Variants in MTOR observed in about 807,000 individuals in gnomAD.
The protein encoded by MTOR is mechanistic target of rapamycin kinase, also known as serine/threonine-protein kinase mTOR.
MTOR carries 70 observed loss-of-function variants against 319.8 expected under a neutral mutation model. The ratio of observed to expected loss-of-function variants is 0.22; its 90% CI spans 0.18 to 0.27. The LOEUF (loss-of-function observed/expected upper bound fraction) is 0.27. MTOR is among the 10% of genes least tolerant of loss of function. The probability of loss-of-function intolerance (pLI) is 1.00; values close to 1 mark genes in which losing one functional copy is unlikely to be tolerated. For synonymous variants in MTOR, 1,183 were observed against 1,211.4 expected (o/e 0.98, Z 0.49); for missense variants, 1,890 against 3,274.4 (o/e 0.58, Z 10.32).
intron 16 of MTOR, 106 bp from the exon 17 acceptor site, chr1:11,231,540 A>G (rs994126175): frequency 9.4e-6 from 13 of 1,390,188 alleles, no homozygotes; most frequent in Non-Finnish European, 1.1e-5. Context: ...GGCTGTAAGA[A>G]GAAAAGAGGT....
At chr1:11,192,864 C>T (rs1645601005) in intron 28 of MTOR, among the ~76,000 whole-genome samples, 1 of 152,042 alleles carries the variant, frequency 6.6e-6, no homozygotes, top group African/African-American at 2.4e-5. Flanking sequence ...TCTGTTTGGC[C>T]CCTTCAAATC....
At chr1:11,131,446 G>C (rs1643153341) in intron 38 of MTOR, 1 of 152,842 alleles carries the variant, frequency 6.5e-6, no homozygotes, top group Admixed American at 6.5e-5. Context: ...ATGGCAAGCA[G>C]AAGTGGGGGC....
chr1:11,113,555 CCA>C (rs1313145822), intron 53 of MTOR, among the ~76,000 whole-genome samples: 1 of 152,058 alleles, frequency 6.6e-6, no homozygotes, highest in Non-Finnish European at 1.5e-5. Context: ...ACCCCAGCTT[CCA>C]CACACTTGAT....
intron 36 of MTOR, among the ~76,000 whole-genome samples, chr1:11,137,683 G>C (rs1458527579): frequency 6.6e-6 from 1 of 152,178 alleles, no homozygotes; most frequent in Admixed American, 6.5e-5. Context: ...GTGGGTTTGT[G>C]GGCAAGAACA....
intron 47 of MTOR, among the ~76,000 whole-genome samples, 177 bp downstream of exon 47, chr1:11,124,321 C>T (rs1642703733): frequency 6.6e-6 from 1 of 152,210 alleles, no homozygotes. Flanking sequence ...CTCCTGGGCT[C>T]AAGCCATCCC....
chr1:11,131,019 G>A lies in MTOR; in HGVS notation c.5365-242C>T. 1.2e-5 allele frequency: 7 copies of A among 577,312 alleles called. No individual in the cohort carries two copies. The South Asian group carries it at 1.5e-4, about 12-fold the overall frequency. The allele number at this position is 577,312 out of a possible 1,614,324, so 35.8% of individuals were successfully genotyped here. A position where few individuals can be genotyped will look rare whatever the true frequency, so the allele number is the denominator to read the frequency against. ...CACTGCGAGAAGGGCACAGCAAGAG[G>A]AGCAGGAGAGAGCTCTTGCCTCAAG... On this transcript the variant is annotated intron_variant, in intron 38 of 57. Transcript: ENST00000361445.
At chr1:11,209,534 G>A (rs1016095234) in intron 24 of MTOR, 76 bp from the exon 25 acceptor site, 1 of 1,564,026 alleles carries the variant, frequency 6.4e-7, no homozygotes, top group East Asian at 2.3e-5. Flanking sequence ...CTTAAATTTT[G>A]GGAGGTGCAG....
At position 11,117,058 on chromosome 1, in the gene MTOR, G is replaced by C. The variant is rs1642202172; in HGVS notation, c.6962C>G (p.Thr2321Ser). ...EVWFDRRTNY[T>S]RSLAVMSMVG... ...CATTGACATGACCGCTAAAGAACGG[G>C]TATAATTGGTTCTTCGGTCAAACCA... The change falls in exon 50 of 58, where the codon ACC becomes AGC. Residue 2321 changes from threonine (T) to serine (S), a missense_variant. Thr to Ser is a moderately conservative substitution (Grantham distance 58). Around this residue, in one of 15 missense-constraint regions of MTOR, gnomAD observed 249 missense variants for 596.2 expected, o/e 0.42. Coordinates refer to ENST00000361445, the MANE Select transcript of MTOR (RefSeq NM_004958.4). 6.2e-7 allele frequency: 1 copy of C among 1,613,288 alleles called. No individual in the cohort carries two copies. Among genetic ancestry groups the C allele is most frequent in the African/African-American group, 1.3e-5 (1 of 75,010 alleles).
chr1:11,219,371 C>T (rs1208195037), intron 19 of MTOR, among the ~76,000 whole-genome samples: 3 of 151,908 alleles, frequency 2.0e-5, no homozygotes, highest in Non-Finnish European at 4.4e-5. Flanking sequence ...CAGAAAAATG[C>T]CTCCCCTAAG....
Position 11,219,725 on chromosome 1 carries a change from A to T in MTOR, c.3031-3491T>A, listed in dbSNP as rs568566772. On this transcript the variant is annotated intron_variant, in intron 19 of 57. Transcript: ENST00000361445. Reference sequence around the variant, plus strand: ...AAATTTAGTCTGTTTAAAATGCCTTAAAAAAAGTGGGAATAAGGCTGGGCA... The same window carrying T: ...AAATTTAGTCTGTTTAAAATGCCTTTAAAAAAGTGGGAATAAGGCTGGGCA... Among the ~76,000 whole-genome samples, 11 of 152,240 alleles carry T rather than the reference A, an allele frequency of 7.2e-5. No homozygotes were observed. In the East Asian group the frequency reaches 1.9e-3, roughly 27 times the overall value.
chr1:11,110,983 G>T, intron 54 of MTOR: 1 of 359,186 alleles, frequency 2.8e-6, no homozygotes, highest in Non-Finnish European at 5.5e-6. Context: ...AATGAAGCCA[G>T]TAAGTCTCAG....
Position 11,196,376 on chromosome 1 carries a change from GAGCTTTAAGGAGATGGGGGTAGTTT to G in MTOR, c.4253+2857_4253+2881del, listed in dbSNP as rs28990668. 3.3e-5 allele frequency among the ~76,000 whole-genome samples: 5 copies of G among 152,262 alleles called. No individual in the cohort carries two copies. In the East Asian group the frequency reaches 9.6e-4, roughly 29 times the overall value. On this transcript the variant is annotated intron_variant, in intron 28 of 57. Transcript: ENST00000361445. Reference sequence around the variant, plus strand: ...AAAGCAAATATATTTACTGATATGTGAGCTTTAAGGAGATGGGGGTAGTTTATACTATCTCAGTGTTAGCCCTGAT... The same window carrying G: ...AAAGCAAATATATTTACTGATATGTGATACTATCTCAGTGTTAGCCCTGAT...
At chr1:11,195,609 C>A (rs538680559) in intron 28 of MTOR, 2 of 154,408 alleles carry the variant, frequency 1.3e-5, no homozygotes, top group South Asian at 4.1e-4. Flanking sequence ...GAGGAAACTC[C>A]AGGGCACTGC....
chr1:11,194,328 A>C (rs377295571), intron 28 of MTOR: 5 of 840,514 alleles, frequency 5.9e-6, no homozygotes, highest in African/African-American at 3.4e-5. Context: ...GAGGTAAACA[A>C]GTAATAAAGT....
intron 29 of MTOR, among the ~76,000 whole-genome samples, chr1:11,161,946 T>C (rs796067392): frequency 1.3e-5 from 2 of 152,258 alleles, no homozygotes; most frequent in African/African-American, 4.8e-5. Context: ...ACAACTTTGA[T>C]GAGTTGAAAG....
intron 29 of MTOR, among the ~76,000 whole-genome samples, chr1:11,162,616 T>C (rs1187561798): frequency 2.0e-5 from 3 of 151,888 alleles, no homozygotes; most frequent in Non-Finnish European, 1.5e-5. Flanking sequence ...CAGAAGAGAG[T>C]GGGGGCCAAT....
Position 11,109,171 on chromosome 1 carries a change from C to T in MTOR, c.7528+119G>A, listed in dbSNP as rs1641729005. On this transcript the variant is annotated intron_variant, in intron 56 of 57. Coordinates refer to ENST00000361445, the MANE Select transcript of MTOR (RefSeq NM_004958.4). The surrounding 1 kb of genome is among the most constrained non-coding windows in gnomAD (Gnocchi z 4.0). ...TGATGACCTCAAAGACACTCTTTGTCAGCTGCATGGTGCCAAAGCTCGTCA... is the reference window on the plus strand; with the variant it reads ...TGATGACCTCAAAGACACTCTTTGTTAGCTGCATGGTGCCAAAGCTCGTCA... 9 of 797,210 alleles carry T rather than the reference C, an allele frequency of 1.1e-5. No homozygotes were observed. In the South Asian group the frequency reaches 1.5e-4, roughly 14 times the overall value. 49.4% of individuals were successfully genotyped at this position (797,210 alleles called of 1,614,324 possible).
intron 19 of MTOR, among the ~76,000 whole-genome samples, chr1:11,223,121 A>G (rs1368777843): frequency 1.3e-5 from 2 of 152,158 alleles, no homozygotes; most frequent in South Asian, 2.1e-4. Context: ...AGCCAAATCC[A>G]GTATGAGAAA....
rs551460975 is a variant in MTOR, at chr1:11,177,838, C to T, written c.4254-10321G>A. Among the ~76,000 whole-genome samples the T allele has an allele frequency of 5.7e-4, 87 of 152,102 alleles. 1 individual carries two copies. Among genetic ancestry groups the T allele is most frequent in the African/African-American group, 2.0e-3 (83 of 41,492 alleles). On this transcript the variant is annotated intron_variant, in intron 28 of 57. Transcript: ENST00000361445. ...TTTTCAAGATTGGTGAGTGGAAGTA[C>T]CACTTTTTAAAAAGAAAAAAATGGA...
Sources: allele counts gnomAD v4.1 joint callset (sites outside exome capture counted in the v4.1 genomes callset), GRCh38; gene constraint gnomAD v4.1.1; regional missense constraint gnomAD v4.1.1; non-coding constraint Gnocchi (gnomAD v3.1); transcripts MANE v1.5; gene names NCBI Gene and HGNC (gene_info 2026-07-23, HGNC 2026-07-21).